The following SYNJ1 variants were observed in gnomAD, a reference collection of about 807,000 sequenced individuals.
SYNJ1 encodes the protein synaptojanin 1, also known as polyphosphatidylinositol phosphatase SYNJ1.
SYNJ1 carries 78 observed loss-of-function variants against 168.2 expected under a neutral mutation model. That is an observed-to-expected ratio of 0.46 (90% CI 0.39 to 0.56). The LOEUF (loss-of-function observed/expected upper bound fraction) is 0.56. Among genes scored for constraint, SYNJ1 ranks in the 20% least tolerant of loss-of-function variants. The pLI is 0.00. For synonymous variants in SYNJ1, 539 were observed against 548.6 expected (o/e 0.98, Z 0.24); for missense variants, 1,303 against 1,597.6 (o/e 0.82, Z 3.14).
At chr21:32,722,212 A>ATG (rs2043267466) in intron 2 of SYNJ1, among the ~76,000 whole-genome samples, 1 of 97,768 alleles carries the variant, frequency 1.0e-5, no homozygotes, top group African/African-American at 4.2e-5. Flanking sequence ...AAAAATATAT[A>ATG]TATATATATA....
chr21:32,662,501 C>A (rs1424585254), intron 18 of SYNJ1, among the ~76,000 whole-genome samples: 1 of 152,118 alleles, frequency 6.6e-6, no homozygotes, highest in Non-Finnish European at 1.5e-5. Context: ...TCTGTGGCCT[C>A]CCAGGTCCAC....
At chr21:32,635,287 TAG>T (rs2039518137) in intron 31 of SYNJ1, among the ~76,000 whole-genome samples, 1 of 152,116 alleles carries the variant, frequency 6.6e-6, no homozygotes, top group Non-Finnish European at 1.5e-5. Flanking sequence ...AGGAGGTAAT[TAG>T]AGTTAGATGA....
intron 4 of SYNJ1, among the ~76,000 whole-genome samples, chr21:32,696,086 T>C (rs2042202539): frequency 6.6e-6 from 1 of 152,120 alleles, no homozygotes; most frequent in South Asian, 2.1e-4. Flanking sequence ...ACTCCTGACC[T>C]TGTGATCCAC....
chr21:32,710,988 G>T (rs746591820), intron 2 of SYNJ1, among the ~76,000 whole-genome samples: 8 of 152,154 alleles, frequency 5.3e-5, no homozygotes, highest in Non-Finnish European at 7.3e-5. Flanking sequence ...CATTATCACA[G>T]AAGTTAGGAA....
At chr21:32,674,823 C>T (rs1004423186) in intron 13 of SYNJ1, among the ~76,000 whole-genome samples, 8 of 152,104 alleles carry the variant, frequency 5.3e-5, no homozygotes, top group African/African-American at 1.9e-4. Flanking sequence ...ATGATATTCT[C>T]TTATGATACC....
chr21:32,641,879 G>A lies in SYNJ1; in HGVS notation c.3588+17C>T. On this transcript the variant is annotated intron_variant, in intron 29 of 32. Coordinates refer to ENST00000674351, the MANE Select transcript of SYNJ1 (RefSeq NM_203446.3). Reference sequence around the variant, plus strand: ...TTAGAACCGAGACCCCTTGGCCCCAGGCGAGGTTTTACCTACCGGTCTGGC... The same window carrying A: ...TTAGAACCGAGACCCCTTGGCCCCAAGCGAGGTTTTACCTACCGGTCTGGC... The A allele has an allele frequency of 1.3e-6, 2 of 1,594,518 alleles. No individual in the cohort carries two copies. The highest frequency in any genetic ancestry group is 1.1e-5 in the South Asian group (1 of 88,758).
intron 2 of SYNJ1, among the ~76,000 whole-genome samples, chr21:32,702,916 T>G (rs1488505576): frequency 2.0e-5 from 3 of 152,276 alleles, no homozygotes; most frequent in Non-Finnish European, 2.9e-5. Flanking sequence ...AAGTAGATAC[T>G]TATGACTGTC....
Position 32,673,673 on chromosome 21 carries a change from C to T in SYNJ1, c.1535-142G>A, listed in dbSNP as rs151097134. Reference sequence around the variant, plus strand: ...CAAGCAAAAGATACAGGCACAGGCACAAAAAAAGATCAGCCTTCAATGCAA... The same window carrying T: ...CAAGCAAAAGATACAGGCACAGGCATAAAAAAAGATCAGCCTTCAATGCAA... On this transcript the variant is annotated intron_variant, in intron 13 of 32. Transcript: ENST00000674351. 2,744 of 543,284 alleles carry T rather than the reference C, an allele frequency of 5.1e-3. 8 individuals carry two copies. Among genetic ancestry groups the T allele is most frequent in the Non-Finnish European group, 5.5e-3 (2,042 of 372,048 alleles). 33.7% of individuals were successfully genotyped at this position (543,284 alleles called of 1,614,324 possible). A position where few individuals can be genotyped will look rare whatever the true frequency, so the allele number is the denominator to read the frequency against.
intron 15 of SYNJ1, among the ~76,000 whole-genome samples, chr21:32,667,722 C>T (rs1225274120): frequency 6.6e-6 from 1 of 152,132 alleles, no homozygotes; most frequent in East Asian, 1.9e-4. Flanking sequence ...TCCTCATCTT[C>T]TCAATGAACC....
chr21:32,722,308 T>C (rs550267673), intron 2 of SYNJ1, among the ~76,000 whole-genome samples: 6 of 151,568 alleles, frequency 4.0e-5, no homozygotes, highest in African/African-American at 1.5e-4. Context: ...CCCAGCACTT[T>C]GGGAGGCCAA....
rs113589920 is a variant in SYNJ1 at position 32,686,564 on chromosome 21, C to T, written c.948+414G>A. Among the ~76,000 whole-genome samples, 348 of 152,180 alleles carry T rather than the reference C, an allele frequency of 2.3e-3. 1 individual carries two copies. Among genetic ancestry groups the T allele is most frequent in the African/African-American group, 7.7e-3 (318 of 41,522 alleles). On this transcript the variant is annotated intron_variant, in intron 8 of 32. Transcript: ENST00000674351. ...CTCTCATCAGTACAAGAAGGTATAG[C>T]GTTGCATGTATATAAATGCATCATT...
chr21:32,707,355 T>C (rs998830294), intron 2 of SYNJ1, among the ~76,000 whole-genome samples: 17 of 147,670 alleles, frequency 1.2e-4, no homozygotes, highest in African/African-American at 4.0e-4. Context: ...GGCACAATCA[T>C]GACTCACTGT....
chr21:32,676,599 G>C (rs575577332), intron 12 of SYNJ1, among the ~76,000 whole-genome samples: 2 of 152,302 alleles, frequency 1.3e-5, no homozygotes, highest in South Asian at 2.1e-4. Flanking sequence ...ACCATCAGAA[G>C]CTCCTAGGCC....
chr21:32,712,997 A>C (rs555852734), intron 2 of SYNJ1, among the ~76,000 whole-genome samples: 1 of 152,376 alleles, frequency 6.6e-6, no homozygotes, highest in South Asian at 2.1e-4. Context: ...TACTTGTGTC[A>C]TTTATAATAG....
At chr21:32,706,214 G>A (rs760744155) in intron 2 of SYNJ1, among the ~76,000 whole-genome samples, 3 of 152,062 alleles carry the variant, frequency 2.0e-5, no homozygotes, top group Non-Finnish European at 4.4e-5. Context: ...GTCACAGATC[G>A]AGAAATTTTT....
intron 31 of SYNJ1, among the ~76,000 whole-genome samples, chr21:32,638,667 A>C (rs1284609607): frequency 3.3e-5 from 5 of 152,198 alleles, no homozygotes; most frequent in African/African-American, 1.2e-4. Flanking sequence ...ACTTCACTCC[A>C]GCCTGGGAGA....
intron 2 of SYNJ1, among the ~76,000 whole-genome samples, chr21:32,702,708 G>T (rs770989212): frequency 6.6e-6 from 1 of 152,208 alleles, no homozygotes; most frequent in Non-Finnish European, 1.5e-5. Context: ...CCTTGAGAAA[G>T]ATACCTTCCT....
Position 32,639,630 on chromosome 21 carries a change from T to C in SYNJ1, c.3697+41A>G, listed in dbSNP as rs774855017. 2.6e-6 allele frequency: 4 copies of C among 1,555,056 alleles called. No individual in the cohort carries two copies. The African/African-American group carries it at 4.1e-5, about 16-fold the overall frequency. On this transcript the variant is annotated intron_variant, in intron 30 of 32. Transcript: ENST00000674351. ...CCAAGCTGGTCTCAAATTTCTGGGCTCAAGTGATCCTCCTGCCTCAGCCTC... is the reference window on the plus strand; with the variant it reads ...CCAAGCTGGTCTCAAATTTCTGGGCCCAAGTGATCCTCCTGCCTCAGCCTC...
intron 6 of SYNJ1, among the ~76,000 whole-genome samples, chr21:32,693,020 G>C (rs1289855980): frequency 6.6e-6 from 1 of 151,988 alleles, no homozygotes; most frequent in Non-Finnish European, 1.5e-5. Flanking sequence ...GGCAGAGTGA[G>C]ACCCTGTCTC....
Sources: gnomAD v4.1 joint callset for allele counts (sites outside exome capture counted in the v4.1 genomes callset) on GRCh38, gnomAD v4.1.1 for gene constraint, MANE v1.5 for transcripts, NCBI Gene and HGNC (gene_info 2026-07-23, HGNC 2026-07-21) for gene names.